Variants in RASGEF1A observed in about 807,000 individuals in gnomAD.
RASGEF1A encodes the protein RasGEF domain family member 1A, also known as ras-GEF domain-containing family member 1A.
A neutral mutation model predicts 56.4 loss-of-function variants in RASGEF1A; 18 were observed. The ratio of observed to expected loss-of-function variants is 0.32; its 90% CI spans 0.22 to 0.47. The LOEUF (loss-of-function observed/expected upper bound fraction) is 0.47. Among genes scored for constraint, RASGEF1A ranks in the 20% least tolerant of loss-of-function variants. RASGEF1A has a pLI of 1.00. For synonymous variants in RASGEF1A, 245 were observed against 242.6 expected (o/e 1.01, Z -0.09); for missense variants, 422 against 627.1 (o/e 0.67, Z 3.49).
rs1031261961 is a variant in RASGEF1A at position 43,266,874 on chromosome 10, C to T, written c.-36G>A. The T allele has an allele frequency of 1.6e-4, 24 of 145,958 alleles. No individual in the cohort carries two copies. The highest frequency in any genetic ancestry group is 5.9e-4 in the African/African-American group (24 of 40,746). 9.0% of individuals were successfully genotyped at this position (145,958 alleles called of 1,614,324 possible). On this transcript the variant is annotated 5_prime_UTR_variant, in exon 1 of 13. Coordinates refer to ENST00000395810, the MANE Select transcript of RASGEF1A (RefSeq NM_145313.4). ...GTCCGGGCCAGCGTCGCTCCCGCGC[C>T]GCCCTCGCGCCGCAGTCGGGCCCCG...
In RASGEF1A at chr10:43,196,935, G is replaced by A; in HGVS notation, c.1348+41C>T. ...AGCACCGGGCCTGGACAAGGAGTCA[G>A]GTGGGGTGGGAGGCATGCTGCGTTG... On this transcript the variant is annotated intron_variant, in intron 11 of 12. Coordinates refer to ENST00000395810, the MANE Select transcript of RASGEF1A (RefSeq NM_145313.4). This position sits in a 1 kb window ranked among gnomAD's most constrained non-coding sequence, Gnocchi z 4.6. The A allele has an allele frequency of 1.2e-6, 2 of 1,607,146 alleles. No homozygotes were observed. Among genetic ancestry groups the A allele is most frequent in the East Asian group, 2.2e-5 (1 of 44,864 alleles).
At chr10:43,239,816 C>T (rs1398191574) in intron 1 of RASGEF1A, among the ~76,000 whole-genome samples, 1 of 152,212 alleles carries the variant, frequency 6.6e-6, no homozygotes, top group African/African-American at 2.4e-5. Context: ...GTACAAAAAT[C>T]ATATTCCCCA....
intron 2 of RASGEF1A, chr10:43,203,761 G>C (rs961688303): frequency 9.5e-7 from 1 of 1,056,308 alleles, no homozygotes; most frequent in South Asian, 3.0e-5. Context: ...GGTGCTCGCT[G>C]CGCCAGGATG....
intron 1 of RASGEF1A, among the ~76,000 whole-genome samples, chr10:43,253,597 C>T (rs1822574759): frequency 6.6e-6 from 1 of 152,256 alleles, no homozygotes; most frequent in Non-Finnish European, 1.5e-5. Flanking sequence ...GACCCAACAC[C>T]TGTGGCTGGC....
intron 1 of RASGEF1A, among the ~76,000 whole-genome samples, chr10:43,265,401 C>T (rs994571286): frequency 6.6e-6 from 1 of 152,208 alleles, no homozygotes; most frequent in Non-Finnish European, 1.5e-5. Context: ...GGGGGATCCA[C>T]ACAGCTCATG....
chr10:43,253,249 C>T (rs979131312), intron 1 of RASGEF1A, among the ~76,000 whole-genome samples: 1 of 152,220 alleles, frequency 6.6e-6, no homozygotes. Flanking sequence ...CAAACTACCC[C>T]GTGTGTGGAT....
At chr10:43,221,123 G>A (rs748089789) in intron 1 of RASGEF1A, among the ~76,000 whole-genome samples, 10 of 152,142 alleles carry the variant, frequency 6.6e-5, no homozygotes, top group Non-Finnish European at 1.5e-4. Flanking sequence ...CCCTCCACCC[G>A]GGGGTCTGCG....
Position 43,211,055 on chromosome 10 carries a change from G to A in RASGEF1A, c.-6-4933C>T, listed in dbSNP as rs115770291. Among the ~76,000 whole-genome samples, 310 of 152,178 alleles carry A rather than the reference G, an allele frequency of 2.0e-3. 3 individuals carry two copies. The highest frequency in any genetic ancestry group is 6.9e-3 in the African/African-American group (284 of 41,436). On this transcript the variant is annotated intron_variant, in intron 1 of 12. Coordinates refer to ENST00000395810, the MANE Select transcript of RASGEF1A (RefSeq NM_145313.4). ...TCCTTGCAGCCCCTCCTCTGTTCAGGCAGGAAGGAAAGCACCTCCTAATTA... is the reference window on the plus strand; with the variant it reads ...TCCTTGCAGCCCCTCCTCTGTTCAGACAGGAAGGAAAGCACCTCCTAATTA...
intron 1 of RASGEF1A, among the ~76,000 whole-genome samples, chr10:43,238,249 G>T (rs998086904): frequency 6.6e-6 from 1 of 152,200 alleles, no homozygotes; most frequent in African/African-American, 2.4e-5. Context: ...CTACAGGAGG[G>T]TTAGCCGCCG....
At chr10:43,212,655 G>A (rs1195573479) in intron 1 of RASGEF1A, among the ~76,000 whole-genome samples, 1 of 152,238 alleles carries the variant, frequency 6.6e-6, no homozygotes, top group Non-Finnish European at 1.5e-5. Flanking sequence ...CTCACACGCA[G>A]GGCGTGCTTC....
At position 43,196,137 on chromosome 10, in the gene RASGEF1A, C is replaced by T; in HGVS notation, c.*107G>A. ...ATTTTTTTCTCATAAAAGTTATATA[C>T]AAAATGGACCCCAACCAGTGAGGCC... On this transcript the variant is annotated 3_prime_UTR_variant, in exon 13 of 13. Coordinates refer to ENST00000395810, the MANE Select transcript of RASGEF1A (RefSeq NM_145313.4). The surrounding 1 kb of genome is among the most constrained non-coding windows in gnomAD (Gnocchi z 4.6). The T allele has an allele frequency of 2.9e-6, 3 of 1,047,400 alleles. No homozygotes were observed. Among genetic ancestry groups the T allele is most frequent in the South Asian group, 3.2e-5 (2 of 63,324 alleles). The allele number at this position is 1,047,400 out of a possible 1,614,324, so 64.9% of individuals were successfully genotyped here.
chr10:43,215,197 G>A (rs958690698), intron 1 of RASGEF1A, among the ~76,000 whole-genome samples: 6 of 152,172 alleles, frequency 3.9e-5, no homozygotes, highest in Admixed American at 3.9e-4. Context: ...ACAGCCCTCA[G>A]GGCCCATCAT....
intron 1 of RASGEF1A, among the ~76,000 whole-genome samples, chr10:43,237,069 C>A (rs951199806): frequency 1.3e-5 from 2 of 152,020 alleles, no homozygotes; most frequent in Non-Finnish European, 2.9e-5. Context: ...ACCAGCCTGG[C>A]CTTATAGAGG....
intron 1 of RASGEF1A, among the ~76,000 whole-genome samples, chr10:43,252,403 G>A (rs1840637031): frequency 6.6e-6 from 1 of 152,096 alleles, no homozygotes; most frequent in Admixed American, 6.5e-5. Flanking sequence ...GGCACTTGGA[G>A]TTGGAAGGCA....
chr10:43,229,642 G>C lies in RASGEF1A; in HGVS notation c.-6-23520C>G, dbSNP rs1249730850. On this transcript the variant is annotated intron_variant, in intron 1 of 12. Coordinates refer to ENST00000395810, the MANE Select transcript of RASGEF1A (RefSeq NM_145313.4). Reference sequence around the variant, plus strand: ...TGGGCCCGCCGCAGCCCTACCTGGGGCTCCAGGAACATTCTGGCCGCCGGC... The same window carrying C: ...TGGGCCCGCCGCAGCCCTACCTGGGCCTCCAGGAACATTCTGGCCGCCGGC... 16 of 1,494,188 alleles carry C rather than the reference G, an allele frequency of 1.1e-5. No homozygotes were observed. In the African/African-American group the frequency reaches 2.3e-4, roughly 22 times the overall value. 92.6% of individuals were successfully genotyped at this position (1,494,188 alleles called of 1,614,324 possible). A position where few individuals can be genotyped will look rare whatever the true frequency, so the allele number is the denominator to read the frequency against.
At chr10:43,264,639 A>T (rs1836591770) in intron 1 of RASGEF1A, among the ~76,000 whole-genome samples, 1 of 151,180 alleles carries the variant, frequency 6.6e-6, no homozygotes, top group African/African-American at 2.4e-5. Flanking sequence ...GCCTCAGGAG[A>T]AAAAGGGGGA....
rs979907642 is a variant in RASGEF1A, at chr10:43,263,280, T to A, written c.-7+3565A>T. ...GTGTCTGGGAACAAGGCAGTGGACA[T>A]CCACGGCCTCTCAAGAAGACATCCC... On this transcript the variant is annotated intron_variant, in intron 1 of 12. Coordinates refer to ENST00000395810, the MANE Select transcript of RASGEF1A (RefSeq NM_145313.4). Among the ~76,000 whole-genome samples, 13 of 152,154 alleles carry A rather than the reference T, an allele frequency of 8.5e-5. No homozygotes were observed. In the South Asian group the frequency reaches 1.0e-3, roughly 12 times the overall value.
Position 43,237,974 on chromosome 10 carries a change from G to A in RASGEF1A, c.-7+28871C>T, listed in dbSNP as rs1840452949. ...TGGGCGGGGATCTGGGCTCAGCACA[G>A]CCCACCTGCCCATCAGGGGAGTGGG... On this transcript the variant is annotated intron_variant, in intron 1 of 12. Transcript: ENST00000395810. 2.0e-5 allele frequency among the ~76,000 whole-genome samples: 3 copies of A among 152,270 alleles called. No homozygotes were observed. The South Asian group carries it at 6.2e-4, about 32-fold the overall frequency.
intron 2 of RASGEF1A, among the ~76,000 whole-genome samples, chr10:43,204,991 TGGA>T (rs541553114): frequency 3.3e-5 from 5 of 152,044 alleles, no homozygotes; most frequent in Admixed American, 6.5e-5. Context: ...GAAGGACAGA[TGGA>T]GGAGGAGGAG....
Sources: gnomAD v4.1 joint callset for allele counts (sites outside exome capture counted in the v4.1 genomes callset) on GRCh38, gnomAD v4.1.1 for gene constraint, Gnocchi (gnomAD v3.1) non-coding constraint, MANE v1.5 for transcripts, NCBI Gene and HGNC (gene_info 2026-07-23, HGNC 2026-07-21) for gene names.